The following TULP4 variants were observed in gnomAD, a reference collection of about 807,000 sequenced individuals.
TULP4 encodes the protein tubby-related protein 4.
In TULP4, 16 loss-of-function variants were observed where a neutral mutation model predicts 129.0. The observed-to-expected ratio is 0.12, with a 90% confidence interval of 0.08 to 0.19. The LOEUF is 0.19. Among genes scored for constraint, TULP4 ranks in the 10% least tolerant of loss-of-function variants. The pLI is 1.00. For synonymous variants in TULP4, 998 were observed against 854.0 expected, an observed-to-expected ratio of 1.17 and a Z score of -2.94; for missense variants, 1,842 against 2,059.1, an observed-to-expected ratio of 0.89 and a Z score of 2.04.
At chr6:158,240,699 G>A in intron 1 of TULP4, among the ~76,000 whole-genome samples, 1 of 104,906 alleles carries the variant, frequency 9.5e-6, no homozygotes, top group South Asian at 3.3e-4. Flanking sequence ...GCGGGGGGCT[G>A]ACCCCCCCCA....
chr6:158,246,023 G>GGTGTGTGTGTGTGTGTGTGTGTGTGT (rs66690741), intron 1 of TULP4, among the ~76,000 whole-genome samples: 2 of 145,822 alleles, frequency 1.4e-5, no homozygotes, highest in African/African-American at 2.6e-5. Flanking sequence ...ACCCCTTAGG[G>GGTGTGTGTGTGTGTGTGTGTGTGTGT]GTGTGTGTGT....
At chr6:158,236,276 C>T (rs1777697242) in intron 1 of TULP4, among the ~76,000 whole-genome samples, 1 of 152,094 alleles carries the variant, frequency 6.6e-6, no homozygotes, top group Non-Finnish European at 1.5e-5. Context: ...TTTTCAGTGT[C>T]TGTATAGTGA....
chr6:158,501,705 A>T lies in TULP4; in HGVS notation c.2042A>T (p.Asn681Ile). ...PVTGASGVPE[N>I]SPPCTVNIPI... The stretch of plus-strand genomic sequence containing the variant: ...ACAGGAGCATCTGGTGTCCCTGAGA[A>T]CAGCCCACCTTGTACCGTGAACATC... The change falls in exon 13 of 14, where the codon AAC (asparagine) becomes ATC (isoleucine). Residue 681 changes from asparagine to isoleucine, a missense_variant. This residue lies in a region of TULP4 where 99 missense variants were observed against 165.1 expected (regional missense o/e 0.60). Coordinates refer to ENST00000367097, the MANE Select transcript of TULP4 (RefSeq NM_020245.5). 6.2e-7 allele frequency: 1 copy of T among 1,610,002 alleles called. No homozygotes were observed.
At chr6:158,403,573 C>T (rs1777902882) in intron 1 of TULP4, among the ~76,000 whole-genome samples, 1 of 152,124 alleles carries the variant, frequency 6.6e-6, no homozygotes, top group Non-Finnish European at 1.5e-5. Context: ...CTCCTGACCT[C>T]AGGTGATCCG....
chr6:158,468,401 A>G (rs992404015), intron 6 of TULP4, among the ~76,000 whole-genome samples: 2 of 152,174 alleles, frequency 1.3e-5, no homozygotes, highest in African/African-American at 4.8e-5. Context: ...ATTTGTGTCT[A>G]TTTCTATAAC....
chr6:158,266,919 T>C (rs1778458016), intron 1 of TULP4, among the ~76,000 whole-genome samples: 1 of 152,216 alleles, frequency 6.6e-6, no homozygotes, highest in South Asian at 2.1e-4. Context: ...CCAGAACTTT[T>C]GTTCATCTTC....
At chr6:158,366,842 C>G (rs1776920344) in intron 1 of TULP4, among the ~76,000 whole-genome samples, 1 of 152,168 alleles carries the variant, frequency 6.6e-6, no homozygotes, top group Non-Finnish European at 1.5e-5. Context: ...TCTCAAGGTC[C>G]CGTCCAGCTC....
At chr6:158,366,345 T>G (rs1780964761) in intron 1 of TULP4, among the ~76,000 whole-genome samples, 1 of 152,182 alleles carries the variant, frequency 6.6e-6, no homozygotes, top group Admixed American at 6.5e-5. Flanking sequence ...GATCCTAGTT[T>G]AGTACATGAT....
In TULP4 at chr6:158,493,536, C is replaced by T. The variant is rs766150496; in HGVS notation, c.1632-37C>T. On this transcript the variant is annotated intron_variant, in intron 9 of 13. Transcript: ENST00000367097. The surrounding 1 kb of genome is among the most constrained non-coding windows in gnomAD (Gnocchi z 4.4). ...TCAGGGCCATGCTCACCATTCCCGC[C>T]ACGGATGCCTGACCCCTCCTGGCCT... 1.2e-5 allele frequency: 17 copies of T among 1,437,396 alleles called. No homozygotes were observed. The highest frequency in any genetic ancestry group is 1.6e-5 in the Non-Finnish European group (17 of 1,091,758). The allele number at this position is 1,437,396 out of a possible 1,614,324, so 89.0% of individuals were successfully genotyped here.
At chr6:158,350,626 G>A (rs1422553311) in intron 1 of TULP4, among the ~76,000 whole-genome samples, 2 of 152,178 alleles carry the variant, frequency 1.3e-5, no homozygotes, top group Non-Finnish European at 2.9e-5. Flanking sequence ...TCGGCAGGCC[G>A]AGGCAGGAGA....
chr6:158,326,728 C>T (rs911830835), intron 1 of TULP4, among the ~76,000 whole-genome samples: 6 of 152,158 alleles, frequency 3.9e-5, no homozygotes, highest in African/African-American at 9.7e-5. Context: ...AGAGCTCAGG[C>T]CCCGGAGCTA....
chr6:158,327,506 G>GA (rs1172500268), intron 1 of TULP4, among the ~76,000 whole-genome samples: 2 of 152,160 alleles, frequency 1.3e-5, no homozygotes, highest in African/African-American at 4.8e-5. Flanking sequence ...CTTTCTGAGA[G>GA]ATTTCCTTAC....
intron 1 of TULP4, among the ~76,000 whole-genome samples, chr6:158,254,229 G>T (rs1404780158): frequency 6.6e-6 from 1 of 151,952 alleles, no homozygotes; most frequent in Non-Finnish European, 1.5e-5. Context: ...TGCAGCCTCC[G>T]CCTTCTGGGT....
At chr6:158,232,459 G>A (rs996587521) in intron 1 of TULP4, among the ~76,000 whole-genome samples, 2 of 150,106 alleles carry the variant, frequency 1.3e-5, no homozygotes, top group African/African-American at 4.9e-5. Context: ...GGGGGTCGGG[G>A]CGGTGGCTGC....
At chr6:158,246,023 G>GGTGT (rs66690741) in intron 1 of TULP4, among the ~76,000 whole-genome samples, 3,719 of 145,876 alleles carry the variant, frequency 0.025, 64 homozygotes, top group South Asian at 0.064. Flanking sequence ...ACCCCTTAGG[G>GGTGT]GTGTGTGTGT....
chr6:158,239,604 T>C (rs1583664724), intron 1 of TULP4, among the ~76,000 whole-genome samples: 1 of 40,782 alleles, frequency 2.5e-5, no homozygotes, highest in Non-Finnish European at 5.1e-5. Context: ...CCCCCCCACC[T>C]CCCTCCCGGA....
rs1276331550 is a variant in TULP4 at position 158,375,008 on chromosome 6, C to T, written c.253-38057C>T. On this transcript the variant is annotated intron_variant, in intron 1 of 13. Transcript: ENST00000367097. The stretch of plus-strand genomic sequence containing the variant: ...CTGTAATCCCAGCACTTTGGGAGGC[C>T]GAGGCGGGCGGGTCACTTGAGGTCA... Among the ~76,000 whole-genome samples the T allele has an allele frequency of 2.0e-5, 3 of 152,042 alleles. No homozygotes were observed. The East Asian group carries it at 5.8e-4, about 29-fold the overall frequency.
At chr6:158,409,433 C>T (rs539404003) in intron 1 of TULP4, among the ~76,000 whole-genome samples, 1 of 152,282 alleles carries the variant, frequency 6.6e-6, no homozygotes, top group Middle Eastern at 3.4e-3. Flanking sequence ...TTCTTTGGTG[C>T]TGAGAGTCAA....
intron 1 of TULP4, among the ~76,000 whole-genome samples, chr6:158,391,972 A>G (rs536705113): frequency 1.6e-4 from 25 of 152,322 alleles, no homozygotes; most frequent in African/African-American, 6.0e-4. Flanking sequence ...GTTATGAAGT[A>G]TATTAGTCCA....
Sources: allele counts gnomAD v4.1 joint callset (sites outside exome capture counted in the v4.1 genomes callset), GRCh38; gene constraint gnomAD v4.1.1; regional missense constraint gnomAD v4.1.1; non-coding constraint Gnocchi (gnomAD v3.1); transcripts MANE v1.5; gene names NCBI Gene and HGNC (gene_info 2026-07-23, HGNC 2026-07-21).